Variants in TRIM5 observed in about 807,000 individuals in gnomAD.
TRIM5 encodes tripartite motif containing 5.
TRIM5 carries 31 observed loss-of-function variants against 35.6 expected under a neutral mutation model. That is an observed-to-expected ratio of 0.87 (90% CI 0.65 to 1.18). The LOEUF is 1.18. Among genes scored for constraint, TRIM5 ranks in the 50% most tolerant of loss-of-function variants. The pLI is 0.00. For synonymous variants in TRIM5, 243 were observed against 215.6 expected, an observed-to-expected ratio of 1.13 and a Z score of -1.11; for missense variants, 609 against 591.6, an observed-to-expected ratio of 1.03 and a Z score of -0.31.
At chr11:5,635,202 GT>G in the TRIM5 span, among the ~76,000 whole-genome samples, 4,219 of 150,890 alleles carry the variant, frequency 0.028, 183 homozygotes, top group African/African-American at 0.094. Flanking sequence ...TAAGAAATGT[GT>G]TCTATTTAAG....
chr11:5,678,931 C>A, intron 3 of TRIM5, 143 bp downstream of exon 3: 1 of 694,664 alleles, frequency 1.4e-6, no homozygotes, highest in Non-Finnish European at 2.5e-6. Context: ...TCAGCCACCA[C>A]ACCCCATCAG....
chr11:5,682,631 C>T (rs1023692978), intron 1 of TRIM5, among the ~76,000 whole-genome samples: 1 of 152,196 alleles, frequency 6.6e-6, no homozygotes, highest in Non-Finnish European at 1.5e-5. Flanking sequence ...ACCCCCGAAC[C>T]AGCGTATATA....
chr11:5,646,976 C>CTTT, the TRIM5 span, among the ~76,000 whole-genome samples: 1 of 152,078 alleles, frequency 6.6e-6, no homozygotes, highest in African/African-American at 2.4e-5. Context: ...CTTAACAAAA[C>CTTT]GATTTAATGT....
At chr11:5,604,805 G>C in the TRIM5 span, 3 of 604,620 alleles carry the variant, frequency 5.0e-6, no homozygotes, top group Non-Finnish European at 5.4e-6. Flanking sequence ...GAGGTAAATA[G>C]CAAATATATC....
chr11:5,634,243 G>T, the TRIM5 span, among the ~76,000 whole-genome samples: 1 of 152,000 alleles, frequency 6.6e-6, no homozygotes, highest in African/African-American at 2.4e-5. Context: ...GTGTGGTAAG[G>T]CAGGCAGTCA....
At chr11:5,661,663 G>A (rs1200659298), downstream of TRIM5, among the ~76,000 whole-genome samples, 2 of 152,100 alleles carry the variant, frequency 1.3e-5, no homozygotes, top group African/African-American at 2.4e-5. Flanking sequence ...GAACATCCTA[G>A]AACTGATACA....
chr11:5,633,543 A>T, the TRIM5 span, among the ~76,000 whole-genome samples: 1 of 152,220 alleles, frequency 6.6e-6, no homozygotes, highest in Admixed American at 6.5e-5. Context: ...AGAGGAAAGG[A>T]CTTTCTGCAG....
chr11:5,642,874 T>C, the TRIM5 span: 3 of 1,613,496 alleles, frequency 1.9e-6, no homozygotes, highest in Non-Finnish European at 2.5e-6. Flanking sequence ...AAATAACTGT[T>C]TTCCAATTAC....
At chr11:5,657,279 G>A in the TRIM5 span, among the ~76,000 whole-genome samples, 7 of 151,754 alleles carry the variant, frequency 4.6e-5, no homozygotes, top group African/African-American at 1.7e-4. Flanking sequence ...CATGGACACA[G>A]GGAGGGGAAC....
chr11:5,683,610 C>T (rs1485258352), intron 1 of TRIM5, among the ~76,000 whole-genome samples: 17 of 152,102 alleles, frequency 1.1e-4, no homozygotes, highest in Non-Finnish European at 7.4e-5. Flanking sequence ...GTGTCTAGCT[C>T]GGGGTTTGTG....
chr11:5,608,789 C>T, the TRIM5 span, among the ~76,000 whole-genome samples: 1 of 151,006 alleles, frequency 6.6e-6, no homozygotes, highest in Non-Finnish European at 1.5e-5. Flanking sequence ...CTGCTTTCAT[C>T]CCTGATTCTT....
the TRIM5 span, chr11:5,611,169 CGTGTTGGG>C: frequency 6.2e-7 from 1 of 1,614,110 alleles, no homozygotes; most frequent in East Asian, 2.2e-5. Flanking sequence ...GCCCCCTCGC[CGTGTTGGG>C]GTTTTCTTAG....
the TRIM5 span, among the ~76,000 whole-genome samples, chr11:5,629,056 C>T: frequency 6.6e-6 from 1 of 152,138 alleles, no homozygotes; most frequent in Non-Finnish European, 1.5e-5. Context: ...ACAGGTGGAT[C>T]ACCTGAGGTC....
chr11:5,639,857 A>C, the TRIM5 span, among the ~76,000 whole-genome samples: 1 of 152,100 alleles, frequency 6.6e-6, no homozygotes, highest in Non-Finnish European at 1.5e-5. Flanking sequence ...GTACTTAATA[A>C]GTATACATAT....
the TRIM5 span, among the ~76,000 whole-genome samples, chr11:5,657,489 T>TTA: frequency 1.4e-4 from 20 of 138,298 alleles, no homozygotes; most frequent in Non-Finnish European, 2.1e-4. Flanking sequence ...TATAATGCAT[T>TTA]TATATATATA....
At position 5,679,190 on chromosome 11, in the gene TRIM5, C is replaced by T. The variant is rs1316851218; in HGVS notation, c.418-21G>A. ...TTCACCTGTGAGAAAGGAATCACAC[C>T]ATAGTCAAGCTATGAGGTTTTCCAG... is the stretch of plus-strand genomic sequence containing the variant. On this transcript the variant is annotated intron_variant, in intron 2 of 7. Coordinates refer to ENST00000380034, the MANE Select transcript of TRIM5 (RefSeq NM_033034.3). 5 of 1,603,982 alleles carry T rather than the reference C, an allele frequency of 3.1e-6. No individual in the cohort carries two copies. In the South Asian group the frequency reaches 3.3e-5, roughly 11 times the overall value.
chr11:5,655,413 C>A, the TRIM5 span, among the ~76,000 whole-genome samples: 1 of 152,010 alleles, frequency 6.6e-6, no homozygotes. Context: ...TTCACTCAAC[C>A]AAGAAACTGA....
intron 1 of TRIM5, among the ~76,000 whole-genome samples, chr11:5,683,217 G>C (rs4579958): frequency 0.9 from 137,518 of 152,212 alleles, 62,745 homozygotes; most frequent in Non-Finnish European, 0.97. Context: ...CTGCGCGAGC[G>C]TCCCTGACGA....
At chr11:5,599,816 C>T in the TRIM5 span, among the ~76,000 whole-genome samples, 6 of 152,168 alleles carry the variant, frequency 3.9e-5, no homozygotes, top group Admixed American at 3.9e-4. Flanking sequence ...AATTTTCAAT[C>T]CATTATAAAG....
Sources: allele counts gnomAD v4.1 joint callset (sites outside exome capture counted in the v4.1 genomes callset), GRCh38; gene constraint gnomAD v4.1.1; transcripts MANE v1.5; gene names NCBI Gene and HGNC (gene_info 2026-07-23, HGNC 2026-07-21).